Variants in STK4 observed in about 807,000 individuals in gnomAD.
The protein encoded by STK4 is serine/threonine kinase 4.
Under a neutral mutation model 64.9 loss-of-function variants are expected in STK4, and 30 were observed. That is an observed-to-expected ratio of 0.46 (90% CI 0.35 to 0.63). The LOEUF is 0.63. Among genes scored for constraint, STK4 ranks in the 20% least tolerant of loss-of-function variants. STK4 has a pLI of 0.01. For synonymous variants in STK4, 177 were observed against 199.0 expected (o/e 0.89, Z 0.93); for missense variants, 466 against 598.5 (o/e 0.78, Z 2.31).
chr20:44,982,109 CTT>C (rs11475406), intron 4 of STK4, among the ~76,000 whole-genome samples, 166 bp downstream of exon 4: 1,017 of 97,978 alleles, frequency 0.01, 13 homozygotes, highest in African/African-American at 0.039. Flanking sequence ...AGTGTGACAG[CTT>C]TTTTTTTTTT....
intron 10 of STK4, among the ~76,000 whole-genome samples, chr20:45,035,306 A>G (rs1038084395): frequency 1.3e-5 from 2 of 152,174 alleles, no homozygotes; most frequent in African/African-American, 2.4e-5. Flanking sequence ...TGCTTAACTT[A>G]AAAGAAATAA....
At chr20:45,065,284 T>C (rs1180067914) in intron 10 of STK4, among the ~76,000 whole-genome samples, 1 of 152,222 alleles carries the variant, frequency 6.6e-6, no homozygotes, top group African/African-American at 2.4e-5. Context: ...CAATCTTGCA[T>C]CTCAGGGATA....
chr20:45,050,645 A>G (rs1336845356), intron 10 of STK4, among the ~76,000 whole-genome samples: 1 of 152,134 alleles, frequency 6.6e-6, no homozygotes, highest in East Asian at 1.9e-4. Flanking sequence ...AGACTTCTTC[A>G]GCTATCAAGT....
At chr20:45,026,348 T>TGTGTGTGTGC (rs995303278) in intron 10 of STK4, among the ~76,000 whole-genome samples, 2 of 150,886 alleles carry the variant, frequency 1.3e-5, no homozygotes, top group Non-Finnish European at 3.0e-5. Context: ...TGTGTGTGTG[T>TGTGTGTGTGC]GCATAGTTTT....
chr20:44,998,978 G>A (rs1340993606), intron 7 of STK4, among the ~76,000 whole-genome samples: 1 of 151,782 alleles, frequency 6.6e-6, no homozygotes, highest in Non-Finnish European at 1.5e-5. Flanking sequence ...TGAGGCAGGA[G>A]AAGCACTTGA....
intron 9 of STK4, among the ~76,000 whole-genome samples, chr20:45,003,037 G>T (rs1162438658): frequency 6.6e-6 from 1 of 151,866 alleles, no homozygotes; most frequent in Non-Finnish European, 1.5e-5. Context: ...AACAGATAGG[G>T]TCTTGTTCTT....
chr20:45,037,570 ATTGT>A (rs2068547182), intron 10 of STK4, among the ~76,000 whole-genome samples: 1 of 152,104 alleles, frequency 6.6e-6, no homozygotes, highest in South Asian at 2.1e-4. Flanking sequence ...AACAAAATTG[ATTGT>A]TTGAATTCCC....
chr20:45,007,795 G>T (rs776318716), intron 9 of STK4: 3 of 422,738 alleles, frequency 7.1e-6, no homozygotes, highest in African/African-American at 4.1e-5. Context: ...TTACATACAG[G>T]GGGTACATGT....
At chr20:45,016,447 T>C (rs2068144731) in intron 9 of STK4, among the ~76,000 whole-genome samples, 1 of 152,248 alleles carries the variant, frequency 6.6e-6, no homozygotes, top group African/African-American at 2.4e-5. Context: ...ACTTAGGTTT[T>C]TCTCACAGTT....
chr20:45,035,092 A>G (rs963755598), intron 10 of STK4, among the ~76,000 whole-genome samples: 2 of 152,180 alleles, frequency 1.3e-5, no homozygotes, highest in South Asian at 4.1e-4. Context: ...GATAAAATAC[A>G]AAATAATGCA....
intron 10 of STK4, chr20:45,053,161 G>A (rs370015490): frequency 8.1e-6 from 13 of 1,611,154 alleles, no homozygotes; most frequent in South Asian, 2.2e-5. Flanking sequence ...GTGTAGATAC[G>A]CTTTCTGAGA....
intron 10 of STK4, among the ~76,000 whole-genome samples, chr20:45,046,647 C>T (rs1283033946): frequency 6.6e-6 from 1 of 151,178 alleles, no homozygotes; most frequent in Non-Finnish European, 1.5e-5. Flanking sequence ...ATGGGCTTTT[C>T]TGCTAATTTG....
At chr20:45,018,452 G>C (rs1177915026) in intron 9 of STK4, among the ~76,000 whole-genome samples, 1 of 152,082 alleles carries the variant, frequency 6.6e-6, no homozygotes, top group Non-Finnish European at 1.5e-5. Context: ...CATTCCAATG[G>C]AACAGTGGGC....
chr20:45,043,433 A>G (rs974993907), intron 10 of STK4, among the ~76,000 whole-genome samples: 5 of 152,170 alleles, frequency 3.3e-5, no homozygotes, highest in Admixed American at 6.5e-5. Context: ...TCAGCGTTCA[A>G]ATCCTGACTT....
chr20:45,018,488 C>T, intron 9 of STK4, among the ~76,000 whole-genome samples: 1 of 151,982 alleles, frequency 6.6e-6, no homozygotes, highest in South Asian at 2.1e-4. Flanking sequence ...AGGTCCTTCC[C>T]AGTTATGACT....
In STK4 at chr20:44,997,321, G is replaced by T; in HGVS notation, c.831+15G>T. 6.3e-7 allele frequency: 1 copy of T among 1,576,330 alleles called. No individual in the cohort carries two copies. Among genetic ancestry groups the T allele is most frequent in the South Asian group, 1.2e-5 (1 of 84,844 alleles). On this transcript the variant is annotated intron_variant, in intron 7 of 10. Coordinates refer to ENST00000372806, the MANE Select transcript of STK4 (RefSeq NM_006282.5). ...AGCTCCTGCAGGTATGAATCACCCT[G>T]TGATGCCATCTCGCTCCATTTCATT...
chr20:45,041,534 C>T lies in STK4; in HGVS notation c.1305+16404C>T, dbSNP rs551907068. On this transcript the variant is annotated intron_variant, in intron 10 of 10. Coordinates refer to ENST00000372806, the MANE Select transcript of STK4 (RefSeq NM_006282.5). ...TTATTCAGCCAGTCCTCTGATGATACACATTTAGGTTGTTTGCAACAGTTT... is the reference window on the plus strand; with the variant it reads ...TTATTCAGCCAGTCCTCTGATGATATACATTTAGGTTGTTTGCAACAGTTT... Among the ~76,000 whole-genome samples, 27 of 152,278 alleles carry T rather than the reference C, an allele frequency of 1.8e-4. No homozygotes were observed. The South Asian group carries it at 5.4e-3, about 30-fold the overall frequency.
chr20:45,039,539 A>C (rs1045902567), intron 10 of STK4, among the ~76,000 whole-genome samples: 6 of 152,128 alleles, frequency 3.9e-5, no homozygotes, highest in South Asian at 4.1e-4. Context: ...CCAGATACCC[A>C]AGTCTGAATA....
chr20:45,045,440 A>G lies in STK4; in HGVS notation c.1305+20310A>G, dbSNP rs16989613. Reference sequence around the variant, plus strand: ...AGTGTGTGTGTTTTCTCACATGAAAACAAAAACAAAAACTATGCTTACATA... The same window carrying G: ...AGTGTGTGTGTTTTCTCACATGAAAGCAAAAACAAAAACTATGCTTACATA... On this transcript the variant is annotated intron_variant, in intron 10 of 10. Coordinates refer to ENST00000372806, the MANE Select transcript of STK4 (RefSeq NM_006282.5). Among the ~76,000 whole-genome samples, 912 of 152,288 alleles carry G rather than the reference A, an allele frequency of 6.0e-3. 32 individuals carry two copies. In the East Asian group the frequency reaches 0.098, roughly 16 times the overall value.
Sources: allele counts gnomAD v4.1 joint callset (sites outside exome capture counted in the v4.1 genomes callset), GRCh38; gene constraint gnomAD v4.1.1; transcripts MANE v1.5; gene names NCBI Gene and HGNC (gene_info 2026-07-23, HGNC 2026-07-21).